The following CYP27C1 variants were observed in gnomAD, a reference collection of about 807,000 sequenced individuals.
The protein encoded by CYP27C1 is cytochrome P450 family 27 subfamily C member 1, also known as cytochrome P450 27C1.
In CYP27C1, 29 loss-of-function variants were observed where a neutral mutation model predicts 40.6. The observed-to-expected ratio is 0.71, with a 90% confidence interval of 0.53 to 0.97. The LOEUF (loss-of-function observed/expected upper bound fraction) is 0.97, where lower values mean the gene tolerates loss of function less well. Among genes scored for constraint, CYP27C1 ranks in the 50% least tolerant of loss-of-function variants. The pLI is 0.00. For synonymous variants in CYP27C1, 198 were observed against 186.8 expected (o/e 1.06, Z -0.49); for missense variants, 390 against 485.8 (o/e 0.80, Z 1.85).
At chr2:127,191,230 C>A (rs1573890707) in intron 8 of CYP27C1, among the ~76,000 whole-genome samples, 1 of 151,954 alleles carries the variant, frequency 6.6e-6, no homozygotes, top group Non-Finnish European at 1.5e-5. Flanking sequence ...GGCGACAGAG[C>A]AAGACTCAAA....
rs1467347466 is a variant in CYP27C1, at chr2:127,201,760, C to T, written c.674-429G>A. Among the ~76,000 whole-genome samples, 1 of 152,180 alleles carries T rather than the reference C, an allele frequency of 6.6e-6. No individual in the cohort carries two copies. Among genetic ancestry groups the T allele is most frequent in the Non-Finnish European group, 1.5e-5 (1 of 68,034 alleles). On this transcript the variant is annotated intron_variant, in intron 3 of 8. Transcript: ENST00000664447. The surrounding 1 kb of genome is among the most constrained non-coding windows in gnomAD (Gnocchi z 6.0). The stretch of plus-strand genomic sequence containing the variant: ...CTCAGGAAGGAGTCGGCAAACCTCA[C>T]ATGGCCTCTCCCTGCCCCACCTGGC...
chr2:127,212,529 C>G (rs183765594), intron 1 of CYP27C1, among the ~76,000 whole-genome samples: 2 of 152,150 alleles, frequency 1.3e-5, no homozygotes, highest in Non-Finnish European at 2.9e-5. Flanking sequence ...AATCAATAAA[C>G]GTAATCCATC....
At chr2:127,189,958 T>C (rs912945089) in intron 8 of CYP27C1, among the ~76,000 whole-genome samples, 2 of 152,268 alleles carry the variant, frequency 1.3e-5, no homozygotes, top group Admixed American at 6.5e-5. Flanking sequence ...ATCAAGGTTA[T>C]GCAAGTCTCA....
intron 1 of CYP27C1, among the ~76,000 whole-genome samples, chr2:127,216,276 G>T (rs1166837203): frequency 1.3e-5 from 2 of 152,152 alleles, no homozygotes; most frequent in African/African-American, 4.8e-5. Context: ...ACGGCTAAAA[G>T]GTGGAAACAA....
chr2:127,193,189 C>A lies in CYP27C1; in HGVS notation c.1402G>T (p.Val468Phe). 1 of 1,614,244 alleles carries A rather than the reference C, an allele frequency of 6.2e-7. No individual in the cohort carries two copies. Among genetic ancestry groups the A allele is most frequent in the Non-Finnish European group, 8.5e-7 (1 of 1,180,050 alleles). The stretch of plus-strand genomic sequence containing the variant: ...AAGGGGATGGATCCAAAATTGTCAA[C>A]TCTATCTAAGTCTCCTTTCCGCAGC... ...RWLRKGDLDR[V>F]DNFGSIPFGH... Residue 468 changes from valine to phenylalanine, a missense_variant, in exon 8 of 9, where the codon GTT (valine) becomes TTT (phenylalanine). Val to Phe is a conservative substitution (Grantham distance 50). Coordinates refer to ENST00000664447, the MANE Select transcript of CYP27C1 (RefSeq NM_001367502.1).
At position 127,208,520 on chromosome 2, in the gene CYP27C1, G is replaced by A. The variant is rs1200759969; in HGVS notation, c.283-2430C>T. On this transcript the variant is annotated intron_variant, in intron 1 of 8. Transcript: ENST00000664447. This position sits in a 1 kb window ranked among gnomAD's most constrained non-coding sequence, Gnocchi z 5.2. ...GGGATGGGCGACCAGCACCAGCTGC[G>A]GCTGCCTGCTGTCTAAGTAATTTGA... Among the ~76,000 whole-genome samples the A allele has an allele frequency of 9.2e-5, 14 of 152,216 alleles. No homozygotes were observed. Among genetic ancestry groups the A allele is most frequent in the South Asian group, 4.1e-4 (2 of 4,824 alleles).
chr2:127,187,813 G>A lies in CYP27C1; in HGVS notation c.1498-426C>T, dbSNP rs558669614. 5.9e-5 allele frequency among the ~76,000 whole-genome samples: 9 copies of A among 152,276 alleles called. No homozygotes were observed. The South Asian group carries it at 1.7e-3, about 28-fold the overall frequency. On this transcript the variant is annotated intron_variant, in intron 8 of 8. Coordinates refer to ENST00000664447, the MANE Select transcript of CYP27C1 (RefSeq NM_001367502.1). ...CTGAAACTGCAGACACTTCAGACCCGGCCAGAAACAGAGGCGGAGAGAGCT... is the reference window on the plus strand; with the variant it reads ...CTGAAACTGCAGACACTTCAGACCCAGCCAGAAACAGAGGCGGAGAGAGCT...
In CYP27C1 at chr2:127,201,358, C is replaced by A; in HGVS notation, c.674-27G>T. ...TAGACAGGAAAGAGAATTTGAAAAC[C>A]CTCTTCTAGATTATTTACCATACCA... On this transcript the variant is annotated intron_variant, in intron 3 of 8. Transcript: ENST00000664447. This position sits in a 1 kb window ranked among gnomAD's most constrained non-coding sequence, Gnocchi z 6.0. 6.2e-7 allele frequency: 1 copy of A among 1,600,688 alleles called. No individual in the cohort carries two copies. Among genetic ancestry groups the A allele is most frequent in the Non-Finnish European group, 8.5e-7 (1 of 1,170,870 alleles).
Position 127,193,272 on chromosome 2 carries a change from G to A in CYP27C1, c.1319C>T (p.Ala440Val). The change falls in exon 8 of 9, where the codon GCC (alanine) becomes GTC (valine). Residue 440 changes from alanine (A) to valine (V), a missense_variant. Coordinates refer to ENST00000664447, the MANE Select transcript of CYP27C1 (RefSeq NM_001367502.1). ...KGTQLALCHY[A>V]TSYQDENFPR... ...GAAGTTCTCATCCTGGTACGATGTG[G>A]CATAGTGGCAAAGGGCCAGCTGGGT... is the stretch of plus-strand genomic sequence containing the variant. 6.2e-7 allele frequency: 1 copy of A among 1,614,216 alleles called. No homozygotes were observed. The highest frequency in any genetic ancestry group is 1.1e-5 in the South Asian group (1 of 91,086).
Position 127,209,677 on chromosome 2 carries a change from A to G in CYP27C1, c.283-3587T>C, listed in dbSNP as rs182156590. ...AGTTTAGAGAGGAACATAAATGACCAGATGGAGCTGAAAAACACAGTGTGA... is the reference window on the plus strand; with the variant it reads ...AGTTTAGAGAGGAACATAAATGACCGGATGGAGCTGAAAAACACAGTGTGA... On this transcript the variant is annotated intron_variant, in intron 1 of 8. Transcript: ENST00000664447. The surrounding 1 kb of genome is among the most constrained non-coding windows in gnomAD (Gnocchi z 4.1). 1.3e-5 allele frequency among the ~76,000 whole-genome samples: 2 copies of G among 152,362 alleles called. No individual in the cohort carries two copies. The highest frequency in any genetic ancestry group is 4.8e-5 in the African/African-American group (2 of 41,586).
Position 127,187,121 on chromosome 2 carries a change from T to C in CYP27C1, c.*150A>G. On this transcript the variant is annotated 3_prime_UTR_variant, in exon 9 of 9. Transcript: ENST00000664447. ...TTTTACATTACTTTGCATAAAGATT[T>C]ACAAGTGTCCCAGGACCTGGGAGGC... 2 of 684,850 alleles carry C rather than the reference T, an allele frequency of 2.9e-6. No homozygotes were observed. The highest frequency in any genetic ancestry group is 5.2e-6 in the Non-Finnish European group (2 of 385,832). 42.4% of individuals were successfully genotyped at this position (684,850 alleles called of 1,614,324 possible). A position where few individuals can be genotyped will look rare whatever the true frequency, so the allele number is the denominator to read the frequency against.
At chr2:127,215,845 G>A (rs1054857567) in intron 1 of CYP27C1, among the ~76,000 whole-genome samples, 4 of 151,474 alleles carry the variant, frequency 2.6e-5, no homozygotes, top group Non-Finnish European at 4.4e-5. Flanking sequence ...GAGAGAGAGG[G>A]AGGGAGGGAG....
At chr2:127,192,096 C>T (rs1466837147) in intron 8 of CYP27C1, among the ~76,000 whole-genome samples, 5 of 152,206 alleles carry the variant, frequency 3.3e-5, no homozygotes, top group African/African-American at 9.7e-5. Flanking sequence ...TGCCCAGCTC[C>T]GGTCTCCCAG....
intron 2 of CYP27C1, among the ~76,000 whole-genome samples, chr2:127,204,614 A>AAAGCAAGCAAGCAAGCAAGCAAGC (rs1683181462): frequency 1.9e-5 from 2 of 104,180 alleles, no homozygotes; most frequent in African/African-American, 8.0e-5. Flanking sequence ...AGAAAGAAAG[A>AAAGCAAGCAAGCAAGCAAGCAAGC]AAGAAAGAAA....
intron 2 of CYP27C1, among the ~76,000 whole-genome samples, chr2:127,204,493 G>GA (rs1683957233): frequency 5.5e-5 from 2 of 36,544 alleles, no homozygotes; most frequent in East Asian, 1.5e-3. Flanking sequence ...AGAAAGGAAG[G>GA]AAGGAAGGAA....
At position 127,218,923 on chromosome 2, in the gene CYP27C1, G is replaced by A. The variant is rs1290220395; in HGVS notation, c.282+1066C>T. Among the ~76,000 whole-genome samples, 1 of 152,196 alleles carries A rather than the reference G, an allele frequency of 6.6e-6. No homozygotes were observed. The highest frequency in any genetic ancestry group is 1.5e-5 in the Non-Finnish European group (1 of 68,016). On this transcript the variant is annotated intron_variant, in intron 1 of 8. Coordinates refer to ENST00000664447, the MANE Select transcript of CYP27C1 (RefSeq NM_001367502.1). The surrounding 1 kb of genome is among the most constrained non-coding windows in gnomAD (Gnocchi z 6.0). ...CACGAAGGGCGCAACGGAGGTGGGCGTGGGAAGGACAGCACTCAGGCTCCA... is the reference window on the plus strand; with the variant it reads ...CACGAAGGGCGCAACGGAGGTGGGCATGGGAAGGACAGCACTCAGGCTCCA...
At position 127,204,615 on chromosome 2, in the gene CYP27C1, A is replaced by C. The variant is rs530905425; in HGVS notation, c.474-1044T>G. On this transcript the variant is annotated intron_variant, in intron 2 of 8. Transcript: ENST00000664447. ...AAAGAAAGAAAGAAAGAAAGAAAGA[A>C]AGAAAGAAAGAAGACTGCAGCTTGT... Among the ~76,000 whole-genome samples the C allele has an allele frequency of 2.8e-3, 288 of 103,690 alleles. 3 individuals carry two copies. Among genetic ancestry groups the C allele is most frequent in the African/African-American group, 0.011 (283 of 25,582 alleles). The allele number at this position is 103,690 out of a possible 152,430, so 68.0% of individuals were successfully genotyped here. A position where few individuals can be genotyped will look rare whatever the true frequency, so the allele number is the denominator to read the frequency against.
rs1186256856 is a variant in CYP27C1, at chr2:127,187,170, AGCGACATC to A, written c.*93_*100del. On this transcript the variant is annotated 3_prime_UTR_variant, in exon 9 of 9. Coordinates refer to ENST00000664447, the MANE Select transcript of CYP27C1 (RefSeq NM_001367502.1). ...GCCAGTCTATAACAAGACAGCCTTTAGCGACATCGCTTTCCTTCTCCACGGTGATCAGC... is the reference window on the plus strand; with the variant it reads ...GCCAGTCTATAACAAGACAGCCTTTAGCTTTCCTTCTCCACGGTGATCAGC... 3 of 953,748 alleles carry A rather than the reference AGCGACATC, an allele frequency of 3.1e-6. No individual in the cohort carries two copies. Among genetic ancestry groups the A allele is most frequent in the Non-Finnish European group, 5.0e-6 (3 of 603,540 alleles). 59.1% of individuals were successfully genotyped at this position (953,748 alleles called of 1,614,324 possible).
rs1490579476 is a variant in CYP27C1, at chr2:127,204,555, G to GAC, written c.474-985_474-984insGT. 7.7e-5 allele frequency among the ~76,000 whole-genome samples: 3 copies of GAC among 39,184 alleles called. No individual in the cohort carries two copies. The South Asian group carries it at 3.3e-3, about 43-fold the overall frequency. 25.7% of individuals were successfully genotyped at this position (39,184 alleles called of 152,430 possible). ...AAAGAAAGAGAGAGAGAGAGAGAGA[G>GAC]AGAAAGAAAGAAAGAAAGAAAGAAA... On this transcript the variant is annotated intron_variant, in intron 2 of 8. Transcript: ENST00000664447.
Sources: gnomAD v4.1 joint callset for allele counts (sites outside exome capture counted in the v4.1 genomes callset) on GRCh38, gnomAD v4.1.1 for gene constraint, Gnocchi (gnomAD v3.1) non-coding constraint, MANE v1.5 for transcripts, NCBI Gene and HGNC (gene_info 2026-07-23, HGNC 2026-07-21) for gene names.